Variants in PTH2R observed in about 807,000 individuals in gnomAD.
PTH2R encodes the protein PTH2 receptor.
In PTH2R, 59 loss-of-function variants were observed where a neutral mutation model predicts 60.3. That is an observed-to-expected ratio of 0.98 (90% CI 0.79 to 1.22). The LOEUF (loss-of-function observed/expected upper bound fraction) is 1.22. PTH2R is among the 50% of genes most tolerant of loss of function. PTH2R has a pLI of 0.00. For synonymous variants in PTH2R, 256 were observed against 243.8 expected (o/e 1.05, Z -0.47); for missense variants, 749 against 682.6 (o/e 1.10, Z -1.08).
intron 9 of PTH2R, among the ~76,000 whole-genome samples, chr2:208,476,160 G>C (rs1010915245): frequency 6.6e-6 from 1 of 152,136 alleles, no homozygotes; most frequent in Non-Finnish European, 1.5e-5. Flanking sequence ...AATATGAAAA[G>C]AAAGGGACAA....
intron 1 of PTH2R, among the ~76,000 whole-genome samples, chr2:208,422,636 T>C (rs565354796): frequency 2.0e-5 from 3 of 152,318 alleles, no homozygotes; most frequent in Non-Finnish European, 4.4e-5. Flanking sequence ...TTTGTGGTTT[T>C]TTTAAGTGAG....
chr2:208,374,883 C>T (rs1177474285), intron 1 of PTH2R, among the ~76,000 whole-genome samples: 5 of 152,000 alleles, frequency 3.3e-5, no homozygotes, highest in African/African-American at 7.3e-5. Context: ...GCATTGAACA[C>T]GTATTCTTGG....
intron 8 of PTH2R, among the ~76,000 whole-genome samples, 157 bp downstream of exon 8, chr2:208,450,966 T>C (rs1028058431): frequency 1.3e-5 from 2 of 152,072 alleles, no homozygotes; most frequent in African/African-American, 4.8e-5. Flanking sequence ...TCCAACACAT[T>C]ACCAGCAAGC....
intron 1 of PTH2R, among the ~76,000 whole-genome samples, chr2:208,365,756 TTG>T: frequency 6.8e-6 from 1 of 147,854 alleles, no homozygotes; most frequent in Admixed American, 6.7e-5. Flanking sequence ...TTTTTTTTTT[TTG>T]GAGACAGGGT....
upstream of PTH2R, among the ~76,000 whole-genome samples, chr2:208,403,867 A>G (rs112251663): frequency 0.054 from 8,258 of 152,214 alleles, 456 homozygotes; most frequent in African/African-American, 0.14. Context: ...GGGCTTCTCT[A>G]TGGGCGTCTC....
intron 1 of PTH2R, among the ~76,000 whole-genome samples, chr2:208,366,863 G>A (rs1700603276): frequency 6.6e-6 from 1 of 152,182 alleles, no homozygotes; most frequent in Non-Finnish European, 1.5e-5. Context: ...CATTTACCAA[G>A]TTTTGGCCAA....
At chr2:208,371,977 AGT>A (rs1385450772) in intron 1 of PTH2R, among the ~76,000 whole-genome samples, 1 of 152,042 alleles carries the variant, frequency 6.6e-6, no homozygotes, top group African/African-American at 2.4e-5. Flanking sequence ...GCTGGAGTGC[AGT>A]GGCGTGATAT....
chr2:208,432,825 A>T (rs1701999830), intron 2 of PTH2R, among the ~76,000 whole-genome samples: 1 of 152,132 alleles, frequency 6.6e-6, no homozygotes, highest in Non-Finnish European at 1.5e-5. Context: ...GAAAGATGAA[A>T]ACTCAGCAAG....
intron 1 of PTH2R, among the ~76,000 whole-genome samples, chr2:208,363,253 C>T (rs562060657): frequency 7.0e-4 from 106 of 152,198 alleles, no homozygotes; most frequent in African/African-American, 2.4e-3. Context: ...ATGTTTAGCT[C>T]CCACTTATAA....
intron 6 of PTH2R, 36 bp downstream of exon 6, chr2:208,443,573 T>C (rs760698479): frequency 6.6e-7 from 1 of 1,515,876 alleles, no homozygotes; most frequent in Non-Finnish European, 8.9e-7. Context: ...ATTACTAATT[T>C]GTATAACACT....
At chr2:208,398,451 A>C in intron 1 of PTH2R, among the ~76,000 whole-genome samples, 1 of 152,244 alleles carries the variant, frequency 6.6e-6, no homozygotes, top group East Asian at 1.9e-4. Context: ...TCAATGTTCC[A>C]ATCATTTCTG....
chr2:208,489,115 C>T lies in PTH2R; in HGVS notation c.1180C>T (p.Arg394Cys), dbSNP rs761834541. 3.7e-5 allele frequency: 60 copies of T among 1,613,980 alleles called. No homozygotes were observed. Among genetic ancestry groups the T allele is most frequent in the African/African-American group, 5.3e-5 (4 of 74,884 alleles). Reference protein sequence around the residue: ...HSFTGLGWEIRMHCELFFNSF... With the variant: ...HSFTGLGWEICMHCELFFNSF... ...CTTCACTGGGCTCGGGTGGGAGATCCGCATGCACTGTGAGCTCTTCTTCAA... is the reference window on the plus strand; with the variant it reads ...CTTCACTGGGCTCGGGTGGGAGATCTGCATGCACTGTGAGCTCTTCTTCAA... The change falls in exon 11 of 13, where the codon CGC (arginine) becomes TGC (cysteine). Residue 394 changes from arginine (R) to cysteine (C), a missense_variant. Physicochemically the swap from Arg to Cys is radical, Grantham distance 180 (BLOSUM62 -3). Coordinates refer to ENST00000272847, the MANE Select transcript of PTH2R (RefSeq NM_005048.4).
At chr2:208,445,520 T>C (rs1702271410) in intron 7 of PTH2R, among the ~76,000 whole-genome samples, 1 of 152,106 alleles carries the variant, frequency 6.6e-6, no homozygotes, top group South Asian at 2.1e-4. Context: ...AGAAAAGAAA[T>C]TGTTTGCTTG....
At chr2:208,405,919 A>G (rs141699584), upstream of PTH2R, among the ~76,000 whole-genome samples, 1 of 152,310 alleles carries the variant, frequency 6.6e-6, no homozygotes, top group Non-Finnish European at 1.5e-5. Context: ...CAGACACTGA[A>G]TCTGCCAGCA....
upstream of PTH2R, among the ~76,000 whole-genome samples, chr2:208,404,490 G>A (rs1421481909): frequency 6.6e-6 from 1 of 152,046 alleles, no homozygotes; most frequent in African/African-American, 2.4e-5. Flanking sequence ...ATTATAAATG[G>A]AATGTAATAG....
At chr2:208,467,258 A>G (rs528140350) in intron 9 of PTH2R, among the ~76,000 whole-genome samples, 155 of 152,272 alleles carry the variant, frequency 1.0e-3, no homozygotes, top group African/African-American at 3.1e-3. Context: ...TGGTGGGAGC[A>G]AGTTTTCTTT....
chr2:208,389,503 T>C (rs1213334036), intron 1 of PTH2R, among the ~76,000 whole-genome samples: 1 of 152,182 alleles, frequency 6.6e-6, no homozygotes, highest in Non-Finnish European at 1.5e-5. Flanking sequence ...AATCATTAAA[T>C]GAATCTTTTA....
intron 2 of PTH2R, among the ~76,000 whole-genome samples, chr2:208,437,324 G>A (rs921485529): frequency 6.6e-6 from 1 of 152,136 alleles, no homozygotes; most frequent in Admixed American, 6.5e-5. Context: ...TGTATGCAAA[G>A]CAAATGTTCC....
At chr2:208,440,917 T>G (rs1702168458) in intron 4 of PTH2R, among the ~76,000 whole-genome samples, 1 of 152,146 alleles carries the variant, frequency 6.6e-6, no homozygotes, top group African/African-American at 2.4e-5. Flanking sequence ...AAGGCAGCAG[T>G]TGGCTGAAGG....
Sources: allele counts gnomAD v4.1 joint callset (sites outside exome capture counted in the v4.1 genomes callset), GRCh38; gene constraint gnomAD v4.1.1; transcripts MANE v1.5; gene names NCBI Gene and HGNC (gene_info 2026-07-23, HGNC 2026-07-21).